Variants in ARHGAP18 observed in about 807,000 individuals in gnomAD.
The protein encoded by ARHGAP18 is rho GTPase-activating protein 18.
ARHGAP18 carries 67 observed loss-of-function variants against 86.2 expected under a neutral mutation model. That is an observed-to-expected ratio of 0.78 (90% confidence interval 0.64 to 0.95). ARHGAP18 has a LOEUF of 0.95. Ranked by LOEUF, ARHGAP18 falls within the 40% of genes least tolerant of loss-of-function variation. The pLI is 0.00. For missense variants in ARHGAP18, 691 were observed against 780.4 expected, an observed-to-expected ratio of 0.89 and a Z score of 1.37; for synonymous variants, 283 against 280.4, an observed-to-expected ratio of 1.01 and a Z score of -0.09.
rs1788723385 is a variant in ARHGAP18 at position 129,600,819 on chromosome 6, T to C, written c.1395A>G (p.Ile465Met). 6.2e-7 allele frequency: 1 copy of C among 1,612,750 alleles called. No individual in the cohort carries two copies. The highest frequency in any genetic ancestry group is 8.5e-7 in the Non-Finnish European group (1 of 1,179,486). The change falls in exon 11 of 15, where the codon ATA becomes ATG. Residue 465 changes from isoleucine (I) to methionine (M), a missense_variant. Ile to Met is a conservative substitution (Grantham distance 10). Transcript: ENST00000368149. ...KALLEFLQRV[I>M]DNKEKNKMTV... ...TCATTTTATTTTTTTCTTTATTATC[T>C]ATTACTCTTTGGAGAAATTCAAGAA...
At chr6:129,601,350 TG>T (rs1320827940) in intron 10 of ARHGAP18, among the ~76,000 whole-genome samples, 6 of 152,044 alleles carry the variant, frequency 3.9e-5, no homozygotes, top group African/African-American at 1.4e-4. Context: ...GGTGCATACC[TG>T]TAGTCCCAGG....
chr6:129,653,994 G>C (rs999421068), intron 1 of ARHGAP18, among the ~76,000 whole-genome samples: 1 of 152,152 alleles, frequency 6.6e-6, no homozygotes, highest in Non-Finnish European at 1.5e-5. Context: ...AGTGAGCTAT[G>C]ATCATATCAC....
chr6:129,670,004 T>C (rs1049440800), intron 1 of ARHGAP18, among the ~76,000 whole-genome samples: 4 of 152,198 alleles, frequency 2.6e-5, no homozygotes, highest in African/African-American at 7.2e-5. Context: ...CTGTTACACA[T>C]TGCAAGTAGA....
intron 1 of ARHGAP18, among the ~76,000 whole-genome samples, chr6:129,701,499 C>T (rs1232436020): frequency 1.3e-5 from 2 of 152,172 alleles, no homozygotes; most frequent in African/African-American, 2.4e-5. Context: ...AGGCCGGGCG[C>T]GGTGGCTCAC....
At chr6:129,682,128 T>C (rs905040994) in intron 1 of ARHGAP18, among the ~76,000 whole-genome samples, 1 of 152,228 alleles carries the variant, frequency 6.6e-6, no homozygotes, top group African/African-American at 2.4e-5. Context: ...AAAGCAGATA[T>C]TACGTCAATC....
chr6:129,634,030 G>C lies in ARHGAP18; in HGVS notation c.616+12C>G. The C allele has an allele frequency of 6.3e-7, 1 of 1,597,758 alleles. No homozygotes were observed. Among genetic ancestry groups the C allele is most frequent in the Non-Finnish European group, 8.5e-7 (1 of 1,172,494 alleles). ...GGAAAAAAAAAAAAACAAGAGAACA[G>C]GTTCAACATACCATCTCTTCCTTGG... On this transcript the variant is annotated intron_variant, in intron 4 of 14. Coordinates refer to ENST00000368149, the MANE Select transcript of ARHGAP18 (RefSeq NM_033515.3).
At chr6:129,590,544 C>T (rs957142161) in intron 12 of ARHGAP18, among the ~76,000 whole-genome samples, 35 of 152,272 alleles carry the variant, frequency 2.3e-4, no homozygotes, top group African/African-American at 8.4e-4. Flanking sequence ...TTCCTTCTGG[C>T]TATGAAATAA....
chr6:129,649,453 C>T (rs1008202959), intron 1 of ARHGAP18, among the ~76,000 whole-genome samples: 1 of 147,788 alleles, frequency 6.8e-6, no homozygotes, highest in Non-Finnish European at 1.5e-5. Context: ...ACTCTGGAGG[C>T]TGAGGCAGGA....
chr6:129,612,181 T>A (rs1486804162), intron 7 of ARHGAP18, among the ~76,000 whole-genome samples: 2 of 152,172 alleles, frequency 1.3e-5, no homozygotes, highest in East Asian at 3.8e-4. Flanking sequence ...AAAAGCATTT[T>A]TTTGTTTTTG....
chr6:129,584,960 C>T (rs1788366192), intron 12 of ARHGAP18, among the ~76,000 whole-genome samples: 1 of 151,332 alleles, frequency 6.6e-6, no homozygotes, highest in South Asian at 2.1e-4. Flanking sequence ...GTTTACTTAC[C>T]CAGTAATAAA....
chr6:129,661,971 G>T (rs1357207193), intron 1 of ARHGAP18: 21 of 935,872 alleles, frequency 2.2e-5, no homozygotes, highest in Non-Finnish European at 2.6e-5. Context: ...ACCTGGTGTT[G>T]CCACACACAC....
chr6:129,611,187 C>CTG (rs1174958793), intron 8 of ARHGAP18, among the ~76,000 whole-genome samples: 3 of 152,218 alleles, frequency 2.0e-5, no homozygotes, highest in African/African-American at 7.2e-5. Flanking sequence ...CAGGTGTGAA[C>CTG]CACCACGCCC....
In ARHGAP18 at chr6:129,641,868, A is replaced by C; in HGVS notation, c.264T>G (p.Ser88=). ...YWIELENIKK[S]SENSQEDQEV... Reference sequence around the variant, plus strand: ...CTTGATCTTCTTGGCTGTTTTCACTAGATTTCTTGATGTTTTCTAGTTCTA... The same window carrying C: ...CTTGATCTTCTTGGCTGTTTTCACTCGATTTCTTGATGTTTTCTAGTTCTA... The change falls in exon 2 of 15, where the codon TCT becomes TCG. Residue 88 remains serine (S), a synonymous_variant. Coordinates refer to ENST00000368149, the MANE Select transcript of ARHGAP18 (RefSeq NM_033515.3). The C allele has an allele frequency of 6.2e-7, 1 of 1,613,912 alleles. No homozygotes were observed. The highest frequency in any genetic ancestry group is 8.5e-7 in the Non-Finnish European group (1 of 1,179,922).
At chr6:129,683,172 C>T (rs1286055449) in intron 1 of ARHGAP18, among the ~76,000 whole-genome samples, 1 of 151,732 alleles carries the variant, frequency 6.6e-6, no homozygotes, top group Non-Finnish European at 1.5e-5. Context: ...CCCAGGTTCA[C>T]ACCATTCTCC....
At chr6:129,596,359 T>C (rs1788616100) in intron 12 of ARHGAP18, among the ~76,000 whole-genome samples, 1 of 152,094 alleles carries the variant, frequency 6.6e-6, no homozygotes, top group African/African-American at 2.4e-5. Context: ...TCCTGAGATA[T>C]ACACACAACT....
At chr6:129,597,865 T>C (rs10499162) in intron 12 of ARHGAP18, among the ~76,000 whole-genome samples, 19,898 of 151,972 alleles carry the variant, frequency 0.13, 1,385 homozygotes, top group Admixed American at 0.18. Flanking sequence ...TGTCTAACTA[T>C]GCCAAAGTGC....
At chr6:129,578,687 T>A (rs1788228750) in intron 14 of ARHGAP18, 83 bp from the exon 15 acceptor site, 1 of 1,178,034 alleles carries the variant, frequency 8.5e-7, no homozygotes, top group Non-Finnish European at 1.2e-6. Flanking sequence ...TATTTAACTC[T>A]TAAGTCTTGG....
intron 12 of ARHGAP18, among the ~76,000 whole-genome samples, chr6:129,589,125 T>G (rs1788460769): frequency 1.3e-5 from 2 of 152,188 alleles, no homozygotes; most frequent in African/African-American, 4.8e-5. Flanking sequence ...TTTTTCCCAT[T>G]GTCTTGGTGA....
chr6:129,684,661 G>A (rs888451850), intron 1 of ARHGAP18, among the ~76,000 whole-genome samples: 3 of 152,174 alleles, frequency 2.0e-5, no homozygotes, highest in Non-Finnish European at 4.4e-5. Flanking sequence ...CTCCAAAACA[G>A]CATTAATATA....
Sources: gnomAD v4.1 joint callset for allele counts (sites outside exome capture counted in the v4.1 genomes callset) on GRCh38, gnomAD v4.1.1 for gene constraint, MANE v1.5 for transcripts, NCBI Gene and HGNC (gene_info 2026-07-23, HGNC 2026-07-21) for gene names.